NRP1: variants seen among roughly 807,000 people sequenced by gnomAD.
The protein encoded by NRP1 is neuropilin 1.
In NRP1, 35 loss-of-function variants were observed where a neutral mutation model predicts 106.7. The observed-to-expected ratio is 0.33, with a 90% CI of 0.25 to 0.43. NRP1 has a LOEUF of 0.43. Among genes scored for constraint, NRP1 ranks in the 20% least tolerant of loss-of-function variants. The pLI, the probability that NRP1 is intolerant of heterozygous loss-of-function variation, is 1.00. For synonymous variants in NRP1, 437 were observed against 417.9 expected, an observed-to-expected ratio of 1.05 and a Z score of -0.56; for missense variants, 1,024 against 1,170.4, an observed-to-expected ratio of 0.87 and a Z score of 1.83.
At chr10:33,220,634 G>T (rs779779813) in intron 8 of NRP1, among the ~76,000 whole-genome samples, 16 of 152,176 alleles carry the variant, frequency 1.1e-4, no homozygotes, top group Admixed American at 9.8e-4. Flanking sequence ...GGTGGCTCAC[G>T]CCTGTAATCC....
intron 9 of NRP1, among the ~76,000 whole-genome samples, chr10:33,209,205 C>T (rs1332371250): frequency 6.6e-6 from 1 of 152,096 alleles, no homozygotes; most frequent in Admixed American, 6.6e-5. Context: ...CCATGCCTGG[C>T]CACATATTTT....
chr10:33,228,382 TA>T (rs1180748150), intron 6 of NRP1, among the ~76,000 whole-genome samples: 1 of 151,776 alleles, frequency 6.6e-6, no homozygotes, highest in East Asian at 1.9e-4. Context: ...ACTCGAAAAA[TA>T]AAATAAAAAT....
intron 6 of NRP1, among the ~76,000 whole-genome samples, chr10:33,248,764 T>A (rs531039322): frequency 6.6e-6 from 1 of 152,328 alleles, no homozygotes; most frequent in Non-Finnish European, 1.5e-5. Flanking sequence ...TGTGGTCTTA[T>A]AGGTACAGAC....
intron 8 of NRP1, among the ~76,000 whole-genome samples, chr10:33,216,198 G>C (rs1838753430): frequency 6.8e-6 from 1 of 147,844 alleles, no homozygotes; most frequent in South Asian, 2.2e-4. Flanking sequence ...AGTGCAGTGG[G>C]GCGATCTTGG....
chr10:33,265,878 G>A (rs918207207), intron 3 of NRP1, among the ~76,000 whole-genome samples: 1 of 152,104 alleles, frequency 6.6e-6, no homozygotes, highest in African/African-American at 2.4e-5. Flanking sequence ...AATTACTCTG[G>A]TGGCTTCTGA....
At chr10:33,214,351 C>T (rs2132824533) in intron 8 of NRP1, among the ~76,000 whole-genome samples, 1 of 152,272 alleles carries the variant, frequency 6.6e-6, no homozygotes, top group East Asian at 1.9e-4. Context: ...CTAAGACAGT[C>T]CTTTCCCCTG....
At chr10:33,280,161 T>A (rs1302591647) in intron 2 of NRP1, among the ~76,000 whole-genome samples, 1 of 152,246 alleles carries the variant, frequency 6.6e-6, no homozygotes, top group Non-Finnish European at 1.5e-5. Context: ...AATTTCTTGT[T>A]TCTGAGGAGT....
At position 33,263,661 on chromosome 10, in the gene NRP1, C is replaced by T. The variant is rs1459872074; in HGVS notation, c.643G>A (p.Asp215Asn). 1 of 1,613,840 alleles carries T rather than the reference C, an allele frequency of 6.2e-7. No individual in the cohort carries two copies. The highest frequency in any genetic ancestry group is 8.5e-7 in the Non-Finnish European group (1 of 1,179,770). The change falls in exon 4 of 17, where the codon GAT (aspartate) becomes AAT (asparagine). Residue 215 changes from aspartate to asparagine, a missense_variant. By Grantham distance (23) the Asp-to-Asn change is conservative (BLOSUM62 1). This residue lies in a region of NRP1 where 279 missense variants were observed against 327.4 expected (regional missense o/e 0.85). Transcript: ENST00000374867. ...FCRYDRLEIW[D>N]GFPDVGPHIG... Reference sequence around the variant, plus strand: ...TCATTCTTACCATCAGGGAATCCATCCCAGATTTCTAGCCGGTCGTAGCGA... The same window carrying T: ...TCATTCTTACCATCAGGGAATCCATTCCAGATTTCTAGCCGGTCGTAGCGA...
chr10:33,310,166 G>A (rs370705655), intron 2 of NRP1, among the ~76,000 whole-genome samples: 7 of 149,858 alleles, frequency 4.7e-5, no homozygotes, highest in East Asian at 4.0e-4. Flanking sequence ...AACCAGGATG[G>A]TCTTGATCTC....
intron 15 of NRP1, 115 bp downstream of exon 15, chr10:33,185,513 C>T: frequency 1.4e-6 from 1 of 732,470 alleles, no homozygotes; most frequent in South Asian, 1.8e-5. Context: ...CTATGATGTG[C>T]CGAGAGGCCA....
intron 2 of NRP1, among the ~76,000 whole-genome samples, chr10:33,314,310 C>A (rs1846854749): frequency 6.6e-6 from 1 of 152,172 alleles, no homozygotes; most frequent in Non-Finnish European, 1.5e-5. Flanking sequence ...AACTCCTGGC[C>A]TCACGCCATC....
At position 33,249,879 on chromosome 10, in the gene NRP1, C is replaced by T. The variant is rs562154193; in HGVS notation, c.981+4149G>A. Reference sequence around the variant, plus strand: ...GAAGCTCCAATGTGGACGTTCATATCGACAGTTAATGATGCATTGTTTTTT... The same window carrying T: ...GAAGCTCCAATGTGGACGTTCATATTGACAGTTAATGATGCATTGTTTTTT... On this transcript the variant is annotated intron_variant, in intron 6 of 16. Transcript: ENST00000374867. Among the ~76,000 whole-genome samples, 120 of 151,238 alleles carry T rather than the reference C, an allele frequency of 7.9e-4. 1 individual carries two copies. The highest frequency in any genetic ancestry group is 1.4e-3 in the Non-Finnish European group (93 of 67,700).
intron 2 of NRP1, among the ~76,000 whole-genome samples, chr10:33,309,494 C>G (rs1261306841): frequency 6.6e-6 from 1 of 152,198 alleles, no homozygotes; most frequent in Non-Finnish European, 1.5e-5. Flanking sequence ...TGTACTGCCC[C>G]AAGGGCTGGG....
intron 11 of NRP1, chr10:33,201,361 A>C (rs748666816): frequency 6.6e-6 from 1 of 152,198 alleles, no homozygotes; most frequent in Non-Finnish European, 1.5e-5. Flanking sequence ...GGGTTTATGA[A>C]GAAAAGAACC....
In NRP1 at chr10:33,263,860, G is replaced by C; in HGVS notation, c.444C>G (p.Ser148=). The change falls in exon 4 of 17, where the codon TCC becomes TCG. Residue 148 remains serine (S), a synonymous_variant. Coordinates refer to ENST00000374867, the MANE Select transcript of NRP1 (RefSeq NM_003873.7). ...YEIFKRGPEC[S]QNYTTPSGVI... ...CTCCACTAGGTGTTGTGTAGTTCTG[G>C]GAACATTCAGGACCTATGAGTAGAA... The C allele has an allele frequency of 6.2e-7, 1 of 1,607,542 alleles. No homozygotes were observed. The highest frequency in any genetic ancestry group is 2.2e-5 in the East Asian group (1 of 44,840).
intron 6 of NRP1, among the ~76,000 whole-genome samples, chr10:33,252,399 T>C (rs751906955): frequency 1.3e-5 from 2 of 152,286 alleles, no homozygotes; most frequent in Non-Finnish European, 2.9e-5. Context: ...AAGCCGCCTA[T>C]AGACGGCAAA....
In NRP1 at chr10:33,182,747, T is replaced by C; in HGVS notation, c.2433A>G (p.Lys811=). 2 of 1,612,266 alleles carry C rather than the reference T, an allele frequency of 1.2e-6. No homozygotes were observed. The highest frequency in any genetic ancestry group is 1.7e-6 in the Non-Finnish European group (2 of 1,179,028). ...GGTTCTTTTTATCCAGGTCTGCTGG[T>C]TCTGACAAGTCAAACAAAATTGAAA... ...NNHISQEDCA[K]PADLDKKNPE... The change falls in exon 16 of 17, where the codon AAA becomes AAG. Residue 811 remains lysine (K), a splice_region_variant and synonymous_variant. Coordinates refer to ENST00000374867, the MANE Select transcript of NRP1 (RefSeq NM_003873.7).
chr10:33,234,442 C>T (rs548083425), intron 6 of NRP1, among the ~76,000 whole-genome samples: 1 of 151,902 alleles, frequency 6.6e-6, no homozygotes, highest in Non-Finnish European at 1.5e-5. Context: ...ATAATTAAAT[C>T]CAATAGCTTT....
chr10:33,210,017 G>A (rs1414905291), intron 9 of NRP1, among the ~76,000 whole-genome samples: 11 of 152,152 alleles, frequency 7.2e-5, no homozygotes, highest in Admixed American at 6.5e-4. Context: ...TGGTGGAAAT[G>A]TCAAAACAAA....
Sources: allele counts gnomAD v4.1 joint callset (sites outside exome capture counted in the v4.1 genomes callset), GRCh38; gene constraint gnomAD v4.1.1; regional missense constraint gnomAD v4.1.1; transcripts MANE v1.5; gene names NCBI Gene and HGNC (gene_info 2026-07-23, HGNC 2026-07-21).